Variants in ESRRA observed in about 807,000 individuals in gnomAD.
ESRRA encodes the protein estrogen related receptor alpha.
Under a neutral mutation model 35.6 loss-of-function variants are expected in ESRRA, and 7 were observed. The observed-to-expected ratio is 0.20, with a 90% CI of 0.11 to 0.37. The LOEUF (loss-of-function observed/expected upper bound fraction) is 0.37. Among genes scored for constraint, ESRRA ranks in the 10% least tolerant of loss-of-function variants. ESRRA has a pLI of 1.00. For synonymous variants in ESRRA, 223 were observed against 246.9 expected (o/e 0.90, Z 0.91); for missense variants, 378 against 561.7 (o/e 0.67, Z 3.31).
At chr11:64,311,561 G>T (rs2035140925) in intron 2 of ESRRA, among the ~76,000 whole-genome samples, 1 of 149,450 alleles carries the variant, frequency 6.7e-6, no homozygotes, top group Non-Finnish European at 1.5e-5. Context: ...GATTACAGGC[G>T]CATGGCACCA....
chr11:64,309,988 T>G (rs532748323), intron 2 of ESRRA, among the ~76,000 whole-genome samples: 1 of 152,080 alleles, frequency 6.6e-6, no homozygotes, highest in East Asian at 1.9e-4. Context: ...GGCACTGTAT[T>G]CTTTTATGAT....
rs1288795779 is a variant in ESRRA at position 64,305,793 on chromosome 11, A to C, written c.-13+57A>C. 2 of 150,124 alleles carry C rather than the reference A, an allele frequency of 1.3e-5. No individual in the cohort carries two copies. The highest frequency in any genetic ancestry group is 3.0e-5 in the Non-Finnish European group (2 of 67,234). 9.3% of individuals were successfully genotyped at this position (150,124 alleles called of 1,614,324 possible). A position where few individuals can be genotyped will look rare whatever the true frequency, so the allele number is the denominator to read the frequency against. ...GGTGGGCGGGCGGGGCGCGGGGGCC[A>C]TGTGCGAGCGCGGCAGGGAGGCGGG... On this transcript the variant is annotated intron_variant, in intron 1 of 6. Coordinates refer to ENST00000000442, the MANE Select transcript of ESRRA (RefSeq NM_004451.5). This position sits in a 1 kb window ranked among gnomAD's most constrained non-coding sequence, Gnocchi z 5.8.
chr11:64,311,982 C>CTTTTTT (rs544336819), intron 2 of ESRRA, among the ~76,000 whole-genome samples: 2 of 68,394 alleles, frequency 2.9e-5, no homozygotes, highest in Non-Finnish European at 5.5e-5. Context: ...TGCGCCTGGC[C>CTTTTTT]TTTTTTTTTT....
chr11:64,313,787 C>G lies in ESRRA; in HGVS notation c.326-164C>G. The G allele has an allele frequency of 1.8e-6, 1 of 569,424 alleles. No individual in the cohort carries two copies. Among genetic ancestry groups the G allele is most frequent in the Admixed American group, 3.1e-5 (1 of 31,996 alleles). The allele number at this position is 569,424 out of a possible 1,614,324, so 35.3% of individuals were successfully genotyped here. Reference sequence around the variant, plus strand: ...CCTCATCCAGGCAGGGCTCCCCCGCCCAGCAGCCACTCCCCTCCCTGCCTG... The same window carrying G: ...CCTCATCCAGGCAGGGCTCCCCCGCGCAGCAGCCACTCCCCTCCCTGCCTG... On this transcript the variant is annotated intron_variant, in intron 2 of 6. Transcript: ENST00000000442. The surrounding 1 kb of genome is among the most constrained non-coding windows in gnomAD (Gnocchi z 4.0).
Position 64,307,332 on chromosome 11 carries a change from G to A in ESRRA, c.153G>A (p.Lys51=), listed in dbSNP as rs751043001. 6.2e-7 allele frequency: 1 copy of A among 1,612,870 alleles called. No individual in the cohort carries two copies. The highest frequency in any genetic ancestry group is 1.7e-5 in the Admixed American group (1 of 59,966). The change falls in exon 2 of 7, where the codon AAG becomes AAA. Residue 51 remains lysine (K), a synonymous_variant. Coordinates refer to ENST00000000442, the MANE Select transcript of ESRRA (RefSeq NM_004451.5). ...PAPTRCLPGH[K]EEEDGEGAGP... ...CCACTCGCTGCCTCCCAGGCCACAA[G>A]GAAGAGGAGGATGGGGAGGGGGCTG...
rs1411791616 is a variant in ESRRA, at chr11:64,308,416, GA to G, written c.325+913del. Reference sequence around the variant, plus strand: ...CTGTAATCTCAGCTACTTGCTACTTGAGAGGCTGAGGCAGGAGAATTGCTTG... The same window carrying G: ...CTGTAATCTCAGCTACTTGCTACTTGGAGGCTGAGGCAGGAGAATTGCTTG... On this transcript the variant is annotated intron_variant, in intron 2 of 6. Transcript: ENST00000000442. 2.0e-5 allele frequency among the ~76,000 whole-genome samples: 3 copies of G among 149,854 alleles called. No individual in the cohort carries two copies. The East Asian group carries it at 6.0e-4, about 30-fold the overall frequency.
chr11:64,308,406 C>A (rs1211524095), intron 2 of ESRRA, among the ~76,000 whole-genome samples: 1 of 149,882 alleles, frequency 6.7e-6, no homozygotes. Flanking sequence ...ATCTCAGCTA[C>A]TTGCTACTTG....
intron 2 of ESRRA, among the ~76,000 whole-genome samples, chr11:64,310,273 C>T (rs1327892139): frequency 2.9e-5 from 4 of 139,680 alleles, no homozygotes; most frequent in African/African-American, 1.1e-4. Flanking sequence ...CTCGTGTGGT[C>T]GCCCAGGCTG....
intron 2 of ESRRA, among the ~76,000 whole-genome samples, chr11:64,308,342 G>A (rs188574163): frequency 0.011 from 1,613 of 151,204 alleles, 18 homozygotes; most frequent in Non-Finnish European, 0.013. Context: ...TGGTGAAACC[G>A]CATCTCTACT....
chr11:64,311,795 C>T (rs1199542264), intron 2 of ESRRA, among the ~76,000 whole-genome samples: 2 of 151,804 alleles, frequency 1.3e-5, no homozygotes, highest in Non-Finnish European at 1.5e-5. Context: ...CAGGTTCAAG[C>T]GATTGTTCTC....
chr11:64,310,086 C>G (rs1328390780), intron 2 of ESRRA, among the ~76,000 whole-genome samples: 1 of 152,136 alleles, frequency 6.6e-6, no homozygotes, highest in Non-Finnish European at 1.5e-5. Context: ...GTTGAAGTCT[C>G]ACAACTAGGA....
chr11:64,315,406 A>G lies in ESRRA; in HGVS notation c.1012+136A>G. 3 of 1,138,892 alleles carry G rather than the reference A, an allele frequency of 2.6e-6. No individual in the cohort carries two copies. In the East Asian group the frequency reaches 7.7e-5, roughly 29 times the overall value. 70.5% of individuals were successfully genotyped at this position (1,138,892 alleles called of 1,614,324 possible). On this transcript the variant is annotated intron_variant, in intron 6 of 6. Coordinates refer to ENST00000000442, the MANE Select transcript of ESRRA (RefSeq NM_004451.5). Reference sequence around the variant, plus strand: ...GAAGAACAATGACTTGCTAGAAGTCAAAAAGCAAGCCAAGTGCAGGCTCCA... The same window carrying G: ...GAAGAACAATGACTTGCTAGAAGTCGAAAAGCAAGCCAAGTGCAGGCTCCA...
intron 6 of ESRRA, 92 bp downstream of exon 6, chr11:64,315,362 A>G: frequency 7.2e-7 from 1 of 1,389,174 alleles, no homozygotes; most frequent in Non-Finnish European, 9.6e-7. Context: ...TTTGCAGATA[A>G]CGAAAACTGA....
rs529404461 is a variant in ESRRA at position 64,315,455 on chromosome 11, C to T, written c.1012+185C>T. On this transcript the variant is annotated intron_variant, in intron 6 of 6. Transcript: ENST00000000442. ...CAAACTGCACACAGGATTTTGAGCC[C>T]TAGTGCCACACTAATGCAGAAAGGT... 3.2e-4 allele frequency among the ~76,000 whole-genome samples: 48 copies of T among 152,322 alleles called. 3 individuals are homozygous for T. The South Asian group carries it at 9.9e-3, about 32-fold the overall frequency.
At position 64,313,901 on chromosome 11, in the gene ESRRA, C is replaced by A; in HGVS notation, c.326-50C>A. The A allele has an allele frequency of 7.4e-7, 1 of 1,344,004 alleles. No individual in the cohort carries two copies. Among genetic ancestry groups the A allele is most frequent in the Non-Finnish European group, 1.0e-6 (1 of 973,736 alleles). The allele number at this position is 1,344,004 out of a possible 1,614,324, so 83.3% of individuals were successfully genotyped here. A position where few individuals can be genotyped will look rare whatever the true frequency, so the allele number is the denominator to read the frequency against. ...TCAGGGCTCTCCTGTCAGCTGGGTC[C>A]CCTCCCAGCCCCGGGAGGCCGCCAC... On this transcript the variant is annotated intron_variant, in intron 2 of 6. Coordinates refer to ENST00000000442, the MANE Select transcript of ESRRA (RefSeq NM_004451.5). The surrounding 1 kb of genome is among the most constrained non-coding windows in gnomAD (Gnocchi z 4.0).
Position 64,315,093 on chromosome 11 carries a change from C to T in ESRRA, c.835C>T (p.Pro279Ser). The part of the protein sequence containing the change: ...LVLGVAQRSL[P>S]LQDELAFAED... Reference sequence around the variant, plus strand: ...GCTGGGTGTGGCCCAGCGCTCACTGCCACTGCAGGATGAGCTGGCCTTCGC... The same window carrying T: ...GCTGGGTGTGGCCCAGCGCTCACTGTCACTGCAGGATGAGCTGGCCTTCGC... The change falls in exon 6 of 7, where the codon CCA (proline) becomes TCA (serine). Residue 279 changes from proline to serine, a missense_variant. By Grantham distance (74) the Pro-to-Ser change is moderately conservative (BLOSUM62 -1). Coordinates refer to ENST00000000442, the MANE Select transcript of ESRRA (RefSeq NM_004451.5). 6.2e-7 allele frequency: 1 copy of T among 1,611,924 alleles called. No individual in the cohort carries two copies. Among genetic ancestry groups the T allele is most frequent in the South Asian group, 1.1e-5 (1 of 90,974 alleles).
In ESRRA at chr11:64,314,913, TA is replaced by T; in HGVS notation, c.742+5del. The T allele has an allele frequency of 6.2e-7, 1 of 1,611,844 alleles. No homozygotes were observed. Among genetic ancestry groups the T allele is most frequent in the Non-Finnish European group, 8.5e-7 (1 of 1,179,788 alleles). ...TCAGCTGGGCCAAGAGCATCCCAGG[TA>T]AAGGGCCCAGGTGACCCGGGGCTGC... On this transcript the variant is annotated splice_donor_region_variant and intron_variant, in intron 5 of 6. Coordinates refer to ENST00000000442, the MANE Select transcript of ESRRA (RefSeq NM_004451.5).
At chr11:64,312,004 G>GTTTTT (rs1264455281) in intron 2 of ESRRA, among the ~76,000 whole-genome samples, 1 of 2,682 alleles carries the variant, frequency 3.7e-4, no homozygotes, top group African/African-American at 5.5e-4. Flanking sequence ...TTGGTACAGA[G>GTTTTT]TTTCGCTCTG....
chr11:64,310,297 C>G (rs932670990), intron 2 of ESRRA, among the ~76,000 whole-genome samples: 69 of 149,110 alleles, frequency 4.6e-4, no homozygotes, highest in African/African-American at 1.6e-3. Context: ...TGCAGTGGCA[C>G]GATCTCGGCT....
Sources: allele counts gnomAD v4.1 joint callset (sites outside exome capture counted in the v4.1 genomes callset), GRCh38; gene constraint gnomAD v4.1.1; non-coding constraint Gnocchi (gnomAD v3.1); transcripts MANE v1.5; gene names NCBI Gene and HGNC (gene_info 2026-07-23, HGNC 2026-07-21).